MLLT3: variants seen among roughly 807,000 people sequenced by gnomAD.
The protein encoded by MLLT3 is MLLT3 super elongation complex subunit.
MLLT3 carries 4 observed loss-of-function variants against 53.2 expected under a neutral mutation model. The ratio of observed to expected loss-of-function variants is 0.08; its 90% CI spans 0.04 to 0.17. The LOEUF (loss-of-function observed/expected upper bound fraction) is 0.17. MLLT3 is among the 10% of genes least tolerant of loss of function. The pLI, the probability that MLLT3 is intolerant of heterozygous loss-of-function variation, is 1.00. For synonymous variants in MLLT3, 283 were observed against 230.6 expected (o/e 1.23, Z -2.06); for missense variants, 569 against 684.0 (o/e 0.83, Z 1.87).
At chr9:20,386,224 G>C (rs1359680159) in intron 5 of MLLT3, among the ~76,000 whole-genome samples, 1 of 152,202 alleles carries the variant, frequency 6.6e-6, no homozygotes, top group East Asian at 1.9e-4. Context: ...CAAGAATGGT[G>C]TTACCAGTCA....
chr9:20,564,186 T>C (rs896711358), intron 2 of MLLT3, among the ~76,000 whole-genome samples: 3 of 152,054 alleles, frequency 2.0e-5, no homozygotes, highest in African/African-American at 7.2e-5. Context: ...AAATACAGAG[T>C]GATCAAGACT....
At chr9:20,369,882 T>C (rs1266200544) in intron 5 of MLLT3, among the ~76,000 whole-genome samples, 1 of 152,192 alleles carries the variant, frequency 6.6e-6, no homozygotes, top group Non-Finnish European at 1.5e-5. Flanking sequence ...ACATTTTAAA[T>C]ATGTGCTTGT....
At chr9:20,530,402 C>G (rs1312156392) in intron 2 of MLLT3, among the ~76,000 whole-genome samples, 2 of 152,080 alleles carry the variant, frequency 1.3e-5, no homozygotes, top group Non-Finnish European at 2.9e-5. Flanking sequence ...CAATGAAAGG[C>G]AAAATGTATG....
intron 2 of MLLT3, chr9:20,533,088 G>A (rs980790964): frequency 8.1e-6 from 2 of 246,520 alleles, no homozygotes; most frequent in Non-Finnish European, 1.6e-5. Context: ...TAAAATGGGG[G>A]TCCCTTAAGT....
At chr9:20,591,004 C>A (rs1396213348) in intron 2 of MLLT3, among the ~76,000 whole-genome samples, 1 of 152,118 alleles carries the variant, frequency 6.6e-6, no homozygotes, top group Non-Finnish European at 1.5e-5. Flanking sequence ...TCCACGTCAA[C>A]CTCCCAAAGT....
chr9:20,348,764 A>G (rs549787130), intron 10 of MLLT3, among the ~76,000 whole-genome samples: 1 of 152,360 alleles, frequency 6.6e-6, no homozygotes, highest in Non-Finnish European at 1.5e-5. Context: ...AAGATCTAAA[A>G]TGGACACACA....
intron 2 of MLLT3, among the ~76,000 whole-genome samples, chr9:20,538,198 T>C (rs1818534379): frequency 6.6e-6 from 1 of 152,310 alleles, no homozygotes; most frequent in East Asian, 1.9e-4. Flanking sequence ...TTCAAAGTAA[T>C]AAAATATACC....
intron 5 of MLLT3, among the ~76,000 whole-genome samples, chr9:20,394,188 C>A (rs909781823): frequency 3.9e-5 from 6 of 152,072 alleles, no homozygotes; most frequent in African/African-American, 1.4e-4. Context: ...CAAACACAGA[C>A]ACCCAAAGAA....
At chr9:20,585,671 T>G (rs1418140962) in intron 2 of MLLT3, among the ~76,000 whole-genome samples, 1 of 152,224 alleles carries the variant, frequency 6.6e-6, no homozygotes, top group Non-Finnish European at 1.5e-5. Flanking sequence ...ATATTGAGCA[T>G]CTTTTCATCA....
intron 2 of MLLT3, among the ~76,000 whole-genome samples, chr9:20,588,605 T>C (rs1317327688): frequency 6.6e-6 from 1 of 152,196 alleles, no homozygotes; most frequent in Non-Finnish European, 1.5e-5. Context: ...TTTGAAGCAA[T>C]TGTGAATGGG....
In MLLT3 at chr9:20,353,526, T is replaced by C; in HGVS notation, c.1574A>G (p.Gln525Arg). ...MTLRERHILQ[Q>R]IVNLIEETGH... ...GTTGTGCTAAAAAGCATTTCTCACC[T>C]GCTGCAGAATGTGTCTTTCTCTCAA... The change falls in exon 10 of 11, where the codon CAG becomes CGG. Residue 525 changes from glutamine to arginine, a missense_variant and splice_region_variant. Gln to Arg is a conservative substitution (Grantham distance 43). Transcript: ENST00000380338. 6.2e-7 allele frequency: 1 copy of C among 1,613,750 alleles called. No individual in the cohort carries two copies. The highest frequency in any genetic ancestry group is 1.3e-5 in the African/African-American group (1 of 75,056).
intron 6 of MLLT3, among the ~76,000 whole-genome samples, chr9:20,364,149 G>A (rs1255040208): frequency 6.6e-6 from 1 of 152,136 alleles, no homozygotes; most frequent in Non-Finnish European, 1.5e-5. Context: ...TCTTCACATT[G>A]ATCTTGGACA....
chr9:20,366,003 T>C (rs575101256), intron 5 of MLLT3, among the ~76,000 whole-genome samples: 1 of 152,352 alleles, frequency 6.6e-6, no homozygotes, highest in South Asian at 2.1e-4. Context: ...TTGATTTCAC[T>C]CCTACGTTTA....
intron 2 of MLLT3, among the ~76,000 whole-genome samples, chr9:20,570,146 C>T (rs933573655): frequency 1.3e-5 from 2 of 152,126 alleles, no homozygotes; most frequent in African/African-American, 4.8e-5. Context: ...GCCAATTTCC[C>T]ACTTAAAATT....
intron 2 of MLLT3, among the ~76,000 whole-genome samples, chr9:20,488,521 T>C (rs1205763552): frequency 1.3e-5 from 2 of 152,204 alleles, no homozygotes; most frequent in Non-Finnish European, 2.9e-5. Flanking sequence ...ATCATTTCCC[T>C]GATTACAGAC....
At chr9:20,394,639 C>A (rs1017020928) in intron 5 of MLLT3, among the ~76,000 whole-genome samples, 2 of 152,072 alleles carry the variant, frequency 1.3e-5, no homozygotes, top group African/African-American at 4.8e-5. Context: ...GTTGTAACTT[C>A]CACCACAGAG....
chr9:20,401,974 C>T (rs539842419), intron 5 of MLLT3, among the ~76,000 whole-genome samples: 18 of 152,092 alleles, frequency 1.2e-4, no homozygotes, highest in Middle Eastern at 3.4e-3. Flanking sequence ...GAATAGTTGG[C>T]GTTGAAGAAG....
intron 3 of MLLT3, 94 bp downstream of exon 3, chr9:20,456,610 G>T (rs1223852644): frequency 6.9e-6 from 6 of 867,762 alleles, no homozygotes; most frequent in Admixed American, 2.4e-5. Context: ...AAATCATCTA[G>T]TGACAGAAGT....
At chr9:20,607,560 TAAG>T (rs1820600951) in intron 2 of MLLT3, among the ~76,000 whole-genome samples, 1 of 152,112 alleles carries the variant, frequency 6.6e-6, no homozygotes, top group Admixed American at 6.6e-5. Context: ...AAGCAGCTAA[TAAG>T]AAATACCCAG....
Sources: allele counts gnomAD v4.1 joint callset (sites outside exome capture counted in the v4.1 genomes callset), GRCh38; gene constraint gnomAD v4.1.1; transcripts MANE v1.5; gene names NCBI Gene and HGNC (gene_info 2026-07-23, HGNC 2026-07-21).